FAP: variants seen among roughly 807,000 people sequenced by gnomAD.
FAP encodes the protein prolyl endopeptidase FAP.
In FAP, 110 loss-of-function variants were observed where a neutral mutation model predicts 126.5. That is an observed-to-expected ratio of 0.87 (90% CI 0.74 to 1.02). FAP has a LOEUF of 1.02. Ranked by LOEUF, FAP falls within the 50% of genes least tolerant of loss-of-function variation. The pLI is 0.00. For missense variants in FAP, 919 were observed against 909.2 expected, an observed-to-expected ratio of 1.01 and a Z score of -0.14; for synonymous variants, 334 against 297.3, an observed-to-expected ratio of 1.12 and a Z score of -1.27.
In FAP at chr2:162,199,006, A is replaced by G. The variant is rs535758609; in HGVS notation, c.1278-125T>C. On this transcript the variant is annotated intron_variant, in intron 15 of 25. Transcript: ENST00000188790. ...AACCCACTCTATTTTTCTGTTGCCA[A>G]TATCATTTAAAGTAAAGGGGAATCA... The G allele has an allele frequency of 4.3e-5, 34 of 783,200 alleles. No homozygotes were observed. The South Asian group carries it at 5.8e-4, about 13-fold the overall frequency. The allele number at this position is 783,200 out of a possible 1,614,324, so 48.5% of individuals were successfully genotyped here.
intron 12 of FAP, among the ~76,000 whole-genome samples, chr2:162,204,008 A>T (rs1688601211): frequency 6.6e-6 from 1 of 152,238 alleles, no homozygotes; most frequent in Non-Finnish European, 1.5e-5. Flanking sequence ...AAATGATGGC[A>T]AATCATTAAA....
In FAP at chr2:162,219,870, GC is replaced by G; in HGVS notation, c.468del (p.Pro157LeufsTer6). On this transcript the variant is annotated frameshift_variant, in exon 7 of 26. Transcript: ENST00000188790. LOFTEE classifies it high-confidence loss of function. ...ACACTTACTAATTTACTCCCAACAG[GC>G]GACCAGCATAAATACTGAATTGGAC... ...LPRPIQYLCWSPVGSKLAYVY... is the reference protein window; with the variant it reads ...LPRPIQYLCWXPVGSKLAYVY... 1 of 1,610,588 alleles carries G rather than the reference GC, an allele frequency of 6.2e-7. No homozygotes were observed. Among genetic ancestry groups the G allele is most frequent in the South Asian group, 1.1e-5 (1 of 90,900 alleles).
At chr2:162,188,973 G>T in intron 19 of FAP, 130 bp downstream of exon 19, 1 of 489,004 alleles carries the variant, frequency 2.0e-6, no homozygotes, top group Non-Finnish European at 3.7e-6. Flanking sequence ...CTGATTAGTT[G>T]AAGAATATAT....
At chr2:162,184,542 G>A (rs774492312) in intron 20 of FAP, among the ~76,000 whole-genome samples, 1 of 152,202 alleles carries the variant, frequency 6.6e-6, no homozygotes, top group Non-Finnish European at 1.5e-5. Flanking sequence ...GCAAATGCCC[G>A]GGACAAACAG....
intron 23 of FAP, among the ~76,000 whole-genome samples, chr2:162,173,520 G>T (rs1394551258): frequency 6.6e-6 from 1 of 152,056 alleles, no homozygotes; most frequent in Admixed American, 6.6e-5. Flanking sequence ...TGGGAAAAGA[G>T]AGGTTAGGGA....
chr2:162,232,170 A>G (rs1042631442), intron 2 of FAP, among the ~76,000 whole-genome samples: 10 of 152,278 alleles, frequency 6.6e-5, no homozygotes, highest in African/African-American at 1.9e-4. Context: ...AAAGTACATG[A>G]GGTGGCTTTA....
chr2:162,207,781 G>T (rs1688765341), intron 12 of FAP, among the ~76,000 whole-genome samples: 1 of 150,524 alleles, frequency 6.6e-6, no homozygotes, highest in Non-Finnish European at 1.5e-5. Context: ...CGCGATCTCT[G>T]CTCACTGCAA....
intron 22 of FAP, among the ~76,000 whole-genome samples, chr2:162,174,036 C>T (rs1249858415): frequency 6.6e-6 from 1 of 152,096 alleles, no homozygotes; most frequent in Non-Finnish European, 1.5e-5. Flanking sequence ...CATTTTCTTT[C>T]TATGACTATT....
At chr2:162,225,429 T>A in intron 4 of FAP, 54 bp downstream of exon 4, 1 of 1,565,232 alleles carries the variant, frequency 6.4e-7, no homozygotes, top group Non-Finnish European at 8.7e-7. Context: ...TGTTTCTTGG[T>A]CAATGAAGAG....
At chr2:162,184,079 G>A (rs1485413657) in intron 20 of FAP, among the ~76,000 whole-genome samples, 1 of 152,022 alleles carries the variant, frequency 6.6e-6, no homozygotes, top group Non-Finnish European at 1.5e-5. Context: ...TAGGAGCAAG[G>A]GGCTACACTG....
Position 162,189,657 on chromosome 2 carries a change from A to AATTT in FAP, c.1544_1547dup (p.Thr517AsnfsTer14), listed in dbSNP as rs1559766647. Reference sequence around the variant, plus strand: ...TGAGAAGTTTTTAAAAGATCTTACTAATTTCATCTACTTCAAGTTTCTTAA... The same window carrying AATTT: ...TGAGAAGTTTTTAAAAGATCTTACTAATTTATTTCATCTACTTCAAGTTTCTTAA... On this transcript the variant is annotated frameshift_variant and splice_region_variant, in exon 18 of 26. Transcript: ENST00000188790. LOFTEE classifies it high-confidence loss of function. The AATTT allele has an allele frequency of 1.3e-6, 2 of 1,503,586 alleles. No individual in the cohort carries two copies. The highest frequency in any genetic ancestry group is 2.4e-5 in the South Asian group (2 of 83,160). 93.1% of individuals were successfully genotyped at this position (1,503,586 alleles called of 1,614,324 possible).
Position 162,172,979 on chromosome 2 carries a change from A to G in FAP, c.2108-95T>C, listed in dbSNP as rs1160968614. 14 of 1,143,920 alleles carry G rather than the reference A, an allele frequency of 1.2e-5. No individual in the cohort carries two copies. The African/African-American group carries it at 2.1e-4, about 17-fold the overall frequency. 70.9% of individuals were successfully genotyped at this position (1,143,920 alleles called of 1,614,324 possible). ...TGGAAATGAACACCAACAATTATCT[A>G]GTCATGCATTTGACATTGTCAGCAG... On this transcript the variant is annotated intron_variant, in intron 24 of 25. Transcript: ENST00000188790.
intron 20 of FAP, among the ~76,000 whole-genome samples, chr2:162,185,983 C>A (rs1454934414): frequency 6.6e-6 from 1 of 152,112 alleles, no homozygotes; most frequent in African/African-American, 2.4e-5. Flanking sequence ...AAAACCAAGG[C>A]CAGCTCTGGC....
rs377564130 is a variant in FAP at position 162,216,740 on chromosome 2, A to T, written c.763-739T>A. 7.2e-5 allele frequency among the ~76,000 whole-genome samples: 11 copies of T among 152,258 alleles called. 1 individual carries two copies. The highest frequency in any genetic ancestry group is 2.4e-4 in the African/African-American group (10 of 41,552). Reference sequence around the variant, plus strand: ...AAATGTAGGTGCACAGTATGTAATGACTCAGTGCTGTTTGAATTCATCCAA... The same window carrying T: ...AAATGTAGGTGCACAGTATGTAATGTCTCAGTGCTGTTTGAATTCATCCAA... On this transcript the variant is annotated intron_variant, in intron 9 of 25. Transcript: ENST00000188790.
intron 2 of FAP, among the ~76,000 whole-genome samples, chr2:162,240,961 C>A (rs12472813): frequency 6.6e-6 from 1 of 152,108 alleles, no homozygotes; most frequent in East Asian, 1.9e-4. Flanking sequence ...AGGAGGCCAC[C>A]ACGCCTAACT....
In FAP at chr2:162,177,445, C is replaced by T. The variant is rs569172011; in HGVS notation, c.1870-2479G>A. 2.0e-5 allele frequency among the ~76,000 whole-genome samples: 3 copies of T among 152,236 alleles called. No homozygotes were observed. In the South Asian group the frequency reaches 6.2e-4, roughly 32 times the overall value. On this transcript the variant is annotated intron_variant, in intron 21 of 25. Transcript: ENST00000188790. ...CCTTCCTTTCTCTTCCCCTTGCTCACTGGCTCTCTTGACGTTCTTTGAACT... is the reference window on the plus strand; with the variant it reads ...CCTTCCTTTCTCTTCCCCTTGCTCATTGGCTCTCTTGACGTTCTTTGAACT...
intron 10 of FAP, among the ~76,000 whole-genome samples, chr2:162,214,718 G>A (rs1285716302): frequency 6.6e-6 from 1 of 151,576 alleles, no homozygotes; most frequent in Non-Finnish European, 1.5e-5. Flanking sequence ...TAATGTAAAG[G>A]AAATCACAAA....
intron 18 of FAP, among the ~76,000 whole-genome samples, 189 bp from the exon 19 acceptor site, chr2:162,189,361 T>C (rs987752468): frequency 1.3e-5 from 2 of 151,976 alleles, no homozygotes; most frequent in Non-Finnish European, 2.9e-5. Flanking sequence ...AAACCTTGAA[T>C]TACTATTTGT....
rs373247876 is a variant in FAP at position 162,195,542 on chromosome 2, G to T, written c.1403-794C>A. Among the ~76,000 whole-genome samples the T allele has an allele frequency of 2.6e-5, 4 of 151,824 alleles. 1 individual carries two copies. The highest frequency in any genetic ancestry group is 6.4e-3 in the Middle Eastern group (2 of 314). ...GGTTGGGGGGAGGTAGGGTTGGGGG[G>T]CGTGCTCAGCTGTAAGTTGTCAGCC... On this transcript the variant is annotated intron_variant, in intron 16 of 25. Coordinates refer to ENST00000188790, the MANE Select transcript of FAP (RefSeq NM_004460.5).
Sources: allele counts gnomAD v4.1 joint callset (sites outside exome capture counted in the v4.1 genomes callset), GRCh38; gene constraint gnomAD v4.1.1; transcripts MANE v1.5; gene names NCBI Gene and HGNC (gene_info 2026-07-23, HGNC 2026-07-21).